The following MEGF11 variants were observed in gnomAD, a reference collection of about 807,000 sequenced individuals.
MEGF11 encodes multiple epidermal growth factor-like domains protein 11.
A neutral mutation model predicts 146.6 loss-of-function variants in MEGF11; 126 were observed. The observed-to-expected ratio is 0.86, with a 90% CI of 0.74 to 1.00. The LOEUF is 1.00. Ranked by LOEUF, MEGF11 falls within the 50% of genes least tolerant of loss-of-function variation. MEGF11 has a pLI of 0.00. For synonymous variants in MEGF11, 532 were observed against 583.4 expected, an observed-to-expected ratio of 0.91 and a Z score of 1.27; for missense variants, 1,509 against 1,521.2, an observed-to-expected ratio of 0.99 and a Z score of 0.13.
At chr15:66,141,236 GTGTGTGTGTGTGT>G (rs2089136505) in intron 1 of MEGF11, among the ~76,000 whole-genome samples, 4 of 58,362 alleles carry the variant, frequency 6.9e-5, no homozygotes, top group South Asian at 9.8e-4. Flanking sequence ...ACTCAGGGGT[GTGTGTGTGTGTGT>G]GTGTGTGTGT....
intron 10 of MEGF11, 138 bp from the exon 11 acceptor site, chr15:65,931,081 G>A: frequency 9.2e-7 from 1 of 1,086,922 alleles, no homozygotes; most frequent in East Asian, 3.0e-5. Context: ...TACCTTACAT[G>A]GCAAAAAGGG....
chr15:66,076,144 G>A (rs1567229323), intron 5 of MEGF11, among the ~76,000 whole-genome samples: 1 of 152,170 alleles, frequency 6.6e-6, no homozygotes. Context: ...CAGAGTGATG[G>A]ACAGATGGAT....
intron 5 of MEGF11, among the ~76,000 whole-genome samples, chr15:66,071,056 A>T (rs537482307): frequency 8.5e-5 from 13 of 152,118 alleles, no homozygotes; most frequent in Non-Finnish European, 1.0e-4. Context: ...CATATTCTTC[A>T]TTCTATTCCA....
chr15:65,900,021 A>G (rs2078456229), intron 24 of MEGF11, among the ~76,000 whole-genome samples: 1 of 152,220 alleles, frequency 6.6e-6, no homozygotes, highest in Admixed American at 6.5e-5. Flanking sequence ...TGTTTGGGGA[A>G]GATCACTGAC....
intron 21 of MEGF11, among the ~76,000 whole-genome samples, chr15:65,910,988 G>T (rs1442740883): frequency 6.6e-6 from 1 of 152,168 alleles, no homozygotes; most frequent in East Asian, 1.9e-4. Flanking sequence ...CTCACTTCTT[G>T]TTTCCCACTC....
chr15:66,016,181 A>G (rs1304824579), intron 5 of MEGF11, among the ~76,000 whole-genome samples: 2 of 152,192 alleles, frequency 1.3e-5, no homozygotes, highest in Non-Finnish European at 2.9e-5. Context: ...TTTCAACTAT[A>G]TCATGCTCCC....
intron 20 of MEGF11, 57 bp downstream of exon 20, chr15:65,913,680 C>G: frequency 1.4e-6 from 2 of 1,467,626 alleles, no homozygotes; most frequent in South Asian, 2.4e-5. Context: ...CACAACCATT[C>G]CTGGGGTATG....
chr15:66,252,243 C>G (rs1356377487), intron 1 of MEGF11, among the ~76,000 whole-genome samples: 1 of 145,496 alleles, frequency 6.9e-6, no homozygotes, highest in South Asian at 2.3e-4. Context: ...CCCCCACCCC[C>G]CACCGGCCGG....
chr15:65,905,494 G>A (rs1171444510), intron 24 of MEGF11: 1 of 152,216 alleles, frequency 6.6e-6, no homozygotes, highest in Non-Finnish European at 1.5e-5. Context: ...TTTAAACCTA[G>A]GGCAGGACCT....
At chr15:65,909,646 C>T (rs1306767721) in intron 22 of MEGF11, 94 bp downstream of exon 22, 1 of 1,277,590 alleles carries the variant, frequency 7.8e-7, no homozygotes, top group East Asian at 2.5e-5. Flanking sequence ...GTTCAGAACT[C>T]ATAACCCTGT....
chr15:66,242,536 G>A (rs1481553466), intron 1 of MEGF11, among the ~76,000 whole-genome samples: 1 of 151,606 alleles, frequency 6.6e-6, no homozygotes, highest in Non-Finnish European at 1.5e-5. Flanking sequence ...GAAGTGGTTG[G>A]TTATCTCAGT....
chr15:66,035,764 T>G (rs1170967796), intron 5 of MEGF11, among the ~76,000 whole-genome samples: 2 of 152,228 alleles, frequency 1.3e-5, no homozygotes, highest in African/African-American at 4.8e-5. Context: ...TGCTTCTCTT[T>G]TTCTTCTTAG....
intron 5 of MEGF11, among the ~76,000 whole-genome samples, chr15:66,014,689 C>T (rs2082824928): frequency 6.6e-6 from 1 of 152,202 alleles, no homozygotes; most frequent in African/African-American, 2.4e-5. Context: ...CCACCATTCC[C>T]CAACATGGAG....
intron 5 of MEGF11, among the ~76,000 whole-genome samples, chr15:66,036,967 A>C (rs1764168817): frequency 6.6e-6 from 1 of 152,182 alleles, no homozygotes; most frequent in South Asian, 2.1e-4. Context: ...TCTTGCAGAA[A>C]GGGAAGTGCA....
Position 65,999,648 on chromosome 15 carries a change from C to A in MEGF11, c.395-17160G>T, listed in dbSNP as rs532910249. On this transcript the variant is annotated intron_variant, in intron 5 of 25. Coordinates refer to ENST00000395614, the MANE Select transcript of MEGF11 (RefSeq NM_001385028.1). ...TCTTCATCTCTCCTATAAAATGGGG[C>A]TCTTGTGTGCCTGATAGGGTTGCCA... is the stretch of plus-strand genomic sequence containing the variant. Among the ~76,000 whole-genome samples, 12 of 152,264 alleles carry A rather than the reference C, an allele frequency of 7.9e-5. No homozygotes were observed. The Middle Eastern group carries it at 0.014, about 173-fold the overall frequency.
intron 4 of MEGF11, among the ~76,000 whole-genome samples, chr15:66,100,079 G>GA (rs1555470666): frequency 5.8e-4 from 68 of 117,950 alleles, no homozygotes; most frequent in East Asian, 6.3e-4. Context: ...GTTGCGCTTT[G>GA]GGGGGGAAAT....
intron 5 of MEGF11, among the ~76,000 whole-genome samples, chr15:66,090,804 A>G (rs1052764256): frequency 6.6e-6 from 1 of 152,270 alleles, no homozygotes; most frequent in Non-Finnish European, 1.5e-5. Flanking sequence ...TTTATTAACA[A>G]GAAAATGAGT....
At chr15:66,141,135 C>T (rs574507430) in intron 1 of MEGF11, among the ~76,000 whole-genome samples, 24 of 151,920 alleles carry the variant, frequency 1.6e-4, no homozygotes, top group South Asian at 1.0e-3. Context: ...TTGCAGGTGG[C>T]GAAATGCAGG....
intron 5 of MEGF11, among the ~76,000 whole-genome samples, chr15:66,074,335 T>C (rs986709083): frequency 2.4e-4 from 36 of 152,228 alleles, no homozygotes; most frequent in African/African-American, 7.7e-4. Context: ...TTCATCCAAG[T>C]AGACAGGTAT....
Sources: gnomAD v4.1 joint callset for allele counts (sites outside exome capture counted in the v4.1 genomes callset) on GRCh38, gnomAD v4.1.1 for gene constraint, MANE v1.5 for transcripts, NCBI Gene and HGNC (gene_info 2026-07-23, HGNC 2026-07-21) for gene names.